Variants in CDH7 observed in about 807,000 individuals in gnomAD.
The protein encoded by CDH7 is cadherin-7.
Under a neutral mutation model 71.8 loss-of-function variants are expected in CDH7, and 25 were observed. The observed-to-expected ratio is 0.35, with a 90% CI of 0.25 to 0.49. The LOEUF (loss-of-function observed/expected upper bound fraction) is 0.49, where lower values mean the gene tolerates loss of function less well. Ranked by LOEUF, CDH7 falls within the 20% of genes least tolerant of loss-of-function variation. CDH7 has a pLI of 0.99. For missense variants in CDH7, 862 were observed against 974.6 expected, an observed-to-expected ratio of 0.88 and a Z score of 1.54; for synonymous variants, 381 against 363.8, an observed-to-expected ratio of 1.05 and a Z score of -0.54.
At chr18:65,810,680 A>G (rs1190386447) in intron 3 of CDH7, among the ~76,000 whole-genome samples, 1 of 151,938 alleles carries the variant, frequency 6.6e-6, no homozygotes, top group Non-Finnish European at 1.5e-5. Context: ...TCACTAAGCT[A>G]CTCTTCCTGA....
intron 3 of CDH7, among the ~76,000 whole-genome samples, chr18:65,810,858 A>G (rs1344599341): frequency 6.6e-6 from 1 of 152,206 alleles, no homozygotes; most frequent in African/African-American, 2.4e-5. Flanking sequence ...GGAGATATAT[A>G]TTTAAAACAT....
In CDH7 at chr18:65,778,906, T is replaced by A. The variant is rs992168406; in HGVS notation, c.210+15854T>A. Among the ~76,000 whole-genome samples, 7 of 152,260 alleles carry A rather than the reference T, an allele frequency of 4.6e-5. No individual in the cohort carries two copies. The East Asian group carries it at 9.7e-4, about 21-fold the overall frequency. On this transcript the variant is annotated intron_variant, in intron 2 of 11. Coordinates refer to ENST00000397968, the MANE Select transcript of CDH7 (RefSeq NM_004361.5). Reference sequence around the variant, plus strand: ...GGCATCTTTTTCTTCTACAAACTAATAGATTCTCCAGAAACTATTCACCTG... The same window carrying A: ...GGCATCTTTTTCTTCTACAAACTAAAAGATTCTCCAGAAACTATTCACCTG...
chr18:65,815,363 G>A (rs746403670), intron 4 of CDH7, among the ~76,000 whole-genome samples: 37 of 152,002 alleles, frequency 2.4e-4, no homozygotes, highest in Middle Eastern at 3.2e-3. Context: ...GAAAATCCAC[G>A]TTTTCTCTTT....
chr18:65,823,399 G>T (rs1912009333), intron 5 of CDH7, among the ~76,000 whole-genome samples: 1 of 151,754 alleles, frequency 6.6e-6, no homozygotes, highest in Non-Finnish European at 1.5e-5. Flanking sequence ...CTTTCCTTTT[G>T]TTTAAGCCTA....
At chr18:65,807,979 G>C (rs189207862) in intron 2 of CDH7, among the ~76,000 whole-genome samples, 3 of 152,296 alleles carry the variant, frequency 2.0e-5, no homozygotes, top group Admixed American at 6.5e-5. Flanking sequence ...GTTATAGGGA[G>C]TGGGGATGTG....
intron 3 of CDH7, among the ~76,000 whole-genome samples, chr18:65,811,674 C>T (rs952706958): frequency 4.6e-5 from 7 of 152,076 alleles, no homozygotes; most frequent in Admixed American, 2.0e-4. Context: ...CAGGAATTTT[C>T]GAGATATGTT....
Position 65,843,897 on chromosome 18 carries a change from G to A in CDH7, c.1067G>A (p.Gly356Asp), listed in dbSNP as rs769993222. ...GCCGACCCTCGCTTTCTGAGCTTGG[G>A]TCCGTTCAGTGACACGACAACTGTG... is the stretch of plus-strand genomic sequence containing the variant. ...KDADPRFLSLGPFSDTTTVKI... is the reference protein window; with the variant it reads ...KDADPRFLSLDPFSDTTTVKI... The change falls in exon 7 of 12, where the codon GGT (glycine) becomes GAT (aspartate). Residue 356 changes from glycine (G) to aspartate (D), a missense_variant. Transcript: ENST00000397968. The A allele has an allele frequency of 7.2e-5, 115 of 1,601,122 alleles. No individual in the cohort carries two copies. The South Asian group carries it at 1.2e-3, about 17-fold the overall frequency.
rs1447910831 is a variant in CDH7 at position 65,779,073 on chromosome 18, TGTTTG to T, written c.210+16022_210+16026del. 9.2e-3 allele frequency among the ~76,000 whole-genome samples: 1,340 copies of T among 146,442 alleles called. 21 individuals carry two copies. The highest frequency in any genetic ancestry group is 0.031 in the African/African-American group (1,234 of 39,254). Reference sequence around the variant, plus strand: ...ATGTGACAGGAGTCAAATCACTGTTTGTTTGTTTGTTTTTTTTAATGGAAAAAATG... The same window carrying T: ...ATGTGACAGGAGTCAAATCACTGTTTTTTGTTTTTTTTAATGGAAAAAATG... On this transcript the variant is annotated intron_variant, in intron 2 of 11. Coordinates refer to ENST00000397968, the MANE Select transcript of CDH7 (RefSeq NM_004361.5).
chr18:65,790,814 A>G (rs1307734026), intron 2 of CDH7, among the ~76,000 whole-genome samples: 1 of 152,222 alleles, frequency 6.6e-6, no homozygotes, highest in Admixed American at 6.5e-5. Context: ...GGTTGCAGTA[A>G]GCCGAGATTG....
At chr18:65,800,874 A>T (rs373053014) in intron 2 of CDH7, among the ~76,000 whole-genome samples, 5 of 152,158 alleles carry the variant, frequency 3.3e-5, no homozygotes, top group African/African-American at 1.2e-4. Context: ...AGTCAAGTCT[A>T]TTCCTGGAAA....
In CDH7 at chr18:65,885,381, T is replaced by TTTTTTTTTTTTTC. The variant is rs1914347438; in HGVS notation, c.*4499_*4500insCTTTTTTTTTTTT. 6.7e-5 allele frequency: 2 copies of TTTTTTTTTTTTTC among 29,994 alleles called. 1 individual carries two copies. Among genetic ancestry groups the TTTTTTTTTTTTTC allele is most frequent in the Non-Finnish European group, 3.1e-4 (2 of 6,478 alleles). The allele number at this position is 29,994 out of a possible 1,614,324, so 1.9% of individuals were successfully genotyped here. A position where few individuals can be genotyped will look rare whatever the true frequency, so the allele number is the denominator to read the frequency against. On this transcript the variant is annotated 3_prime_UTR_variant, in exon 12 of 12. Transcript: ENST00000397968. ...AAGGATGTGTGCCTGTGTTTTTTTT[T>TTTTTTTTTTTTTC]TTTTTTTTTTTTTTGACGTGGAGTC... is the stretch of plus-strand genomic sequence containing the variant.
chr18:65,778,763 T>G (rs1183922856), intron 2 of CDH7, among the ~76,000 whole-genome samples: 3 of 151,646 alleles, frequency 2.0e-5, no homozygotes, highest in South Asian at 4.2e-4. Context: ...CTTTAAAAGC[T>G]GTCAGGCATA....
intron 2 of CDH7, among the ~76,000 whole-genome samples, chr18:65,766,518 GATGGTGCAACCTTT>G (rs1008466151): frequency 5.3e-5 from 8 of 152,164 alleles, no homozygotes; most frequent in Non-Finnish European, 2.9e-5. Context: ...GCTAGACTCC[GATGGTGCAACCTTT>G]ATCATTAGCT....
intron 6 of CDH7, among the ~76,000 whole-genome samples, chr18:65,831,916 G>A (rs1389422099): frequency 6.6e-6 from 1 of 151,906 alleles, no homozygotes; most frequent in Non-Finnish European, 1.5e-5. Context: ...AAAACGAACA[G>A]TTTTTTGGTT....
In CDH7 at chr18:65,880,747, A is replaced by C; in HGVS notation, c.2211A>C (p.Gly737=). The C allele has an allele frequency of 6.2e-7, 1 of 1,614,154 alleles. No individual in the cohort carries two copies. Among genetic ancestry groups the C allele is most frequent in the Non-Finnish European group, 8.5e-7 (1 of 1,180,018 alleles). Residue 737 remains glycine, a synonymous_variant, in exon 12 of 12, where the codon GGA becomes GGC. Transcript: ENST00000397968. The part of the protein sequence containing the change: ...YDSLQTYAFE[G]NGSVAESLSS... ...CCCTGCAGACATATGCTTTTGAAGG[A>C]AATGGCTCAGTTGCTGAATCACTCA...
At chr18:65,800,545 T>C (rs1414379572) in intron 2 of CDH7, among the ~76,000 whole-genome samples, 1 of 152,194 alleles carries the variant, frequency 6.6e-6, no homozygotes, top group Non-Finnish European at 1.5e-5. Context: ...TCTGTAGACC[T>C]CAGGCAGAGC....
At chr18:65,751,962 G>A (rs772471994) in intron 1 of CDH7, among the ~76,000 whole-genome samples, 1 of 152,228 alleles carries the variant, frequency 6.6e-6, no homozygotes, top group African/African-American at 2.4e-5. Flanking sequence ...GGTGAGTAAA[G>A]ATTGGCAATG....
intron 2 of CDH7, among the ~76,000 whole-genome samples, chr18:65,769,715 C>T (rs1490196266): frequency 6.6e-6 from 1 of 152,152 alleles, no homozygotes; most frequent in Non-Finnish European, 1.5e-5. Flanking sequence ...CTTTCGTTGT[C>T]ATTCTTGACC....
At chr18:65,820,292 C>G (rs1484698) in intron 4 of CDH7, among the ~76,000 whole-genome samples, 91,506 of 150,108 alleles carry the variant, frequency 0.61, 29,324 homozygotes, top group East Asian at 0.96. Flanking sequence ...TTTGCTAAGC[C>G]TAAGTGACTT....
Sources: gnomAD v4.1 joint callset for allele counts (sites outside exome capture counted in the v4.1 genomes callset) on GRCh38, gnomAD v4.1.1 for gene constraint, MANE v1.5 for transcripts, NCBI Gene and HGNC (gene_info 2026-07-23, HGNC 2026-07-21) for gene names.